Variants in CEP128 observed in about 807,000 individuals in gnomAD.
The protein encoded by CEP128 is centrosomal protein 128kDa.
In CEP128, 132 loss-of-function variants were observed where a neutral mutation model predicts 156.7. The ratio of observed to expected loss-of-function variants is 0.84; its 90% CI spans 0.73 to 0.97. The LOEUF (loss-of-function observed/expected upper bound fraction) is 0.97. Ranked by LOEUF, CEP128 falls within the 50% of genes least tolerant of loss-of-function variation. The probability of loss-of-function intolerance (pLI) is 0.00; values close to 1 mark genes in which losing one functional copy is unlikely to be tolerated. For synonymous variants in CEP128, 469 were observed against 448.9 expected, an observed-to-expected ratio of 1.04 and a Z score of -0.57; for missense variants, 1,252 against 1,281.9, an observed-to-expected ratio of 0.98 and a Z score of 0.36.
chr14:80,603,131 T>C (rs1333578748), intron 19 of CEP128, among the ~76,000 whole-genome samples: 3 of 152,130 alleles, frequency 2.0e-5, no homozygotes, highest in African/African-American at 7.2e-5. Flanking sequence ...GGCTCTGGAG[T>C]GTGGCCTCAG....
intron 19 of CEP128, among the ~76,000 whole-genome samples, chr14:80,629,028 C>T (rs1893850910): frequency 6.9e-6 from 1 of 144,740 alleles, no homozygotes; most frequent in African/African-American, 2.6e-5. Context: ...CCTTACTCTC[C>T]CTTTTTAAAC....
intron 19 of CEP128, among the ~76,000 whole-genome samples, chr14:80,634,891 T>C (rs1273273299): frequency 5.9e-5 from 9 of 152,216 alleles, no homozygotes; most frequent in Non-Finnish European, 1.2e-4. Context: ...ATAATTTTCA[T>C]CACATTTTCT....
chr14:80,835,325 A>G (rs1424655417), intron 12 of CEP128, among the ~76,000 whole-genome samples: 1 of 152,212 alleles, frequency 6.6e-6, no homozygotes, highest in Non-Finnish European at 1.5e-5. Context: ...AAAACAGACT[A>G]AGAAAATATA....
intron 19 of CEP128, among the ~76,000 whole-genome samples, chr14:80,612,859 G>GT (rs1233035424): frequency 6.6e-6 from 1 of 151,734 alleles, no homozygotes; most frequent in East Asian, 1.9e-4. Flanking sequence ...TTTTGTTTTT[G>GT]TTTTTTTCAT....
At chr14:80,651,841 G>A (rs1035130454) in intron 19 of CEP128, among the ~76,000 whole-genome samples, 5 of 152,140 alleles carry the variant, frequency 3.3e-5, no homozygotes, top group Admixed American at 2.6e-4. Context: ...TTCCAATTAT[G>A]TGGTCAGTTT....
Position 80,647,061 on chromosome 14 carries a change from A to ATGTGTGCATG in CEP128, c.2807-66639_2807-66638insCATGCACACA, listed in dbSNP as rs1566831601. Among the ~76,000 whole-genome samples the ATGTGTGCATG allele has an allele frequency of 9.7e-4, 59 of 60,788 alleles. 4 individuals carry two copies. Among genetic ancestry groups the ATGTGTGCATG allele is most frequent in the Admixed American group, 1.4e-3 (7 of 5,112 alleles). 39.9% of individuals were successfully genotyped at this position (60,788 alleles called of 152,430 possible). A position where few individuals can be genotyped will look rare whatever the true frequency, so the allele number is the denominator to read the frequency against. Reference sequence around the variant, plus strand: ...TGTATATATATATATATATATATATATATATATATATATATATATATATAT... The same window carrying ATGTGTGCATG: ...TGTATATATATATATATATATATATATGTGTGCATGTATATATATATATATATATATATAT... On this transcript the variant is annotated intron_variant, in intron 19 of 24. Coordinates refer to ENST00000555265, the MANE Select transcript of CEP128 (RefSeq NM_152446.5).
intron 19 of CEP128, among the ~76,000 whole-genome samples, chr14:80,619,865 C>T (rs1893403978): frequency 6.6e-6 from 1 of 152,122 alleles, no homozygotes; most frequent in Non-Finnish European, 1.5e-5. Context: ...TGGCTCACGC[C>T]TGTAATCCCA....
intron 19 of CEP128, among the ~76,000 whole-genome samples, chr14:80,739,816 C>T (rs1898716125): frequency 2.0e-5 from 3 of 152,036 alleles, no homozygotes; most frequent in Admixed American, 6.6e-5. Context: ...TTAAATATTG[C>T]TACCATAAAA....
intron 19 of CEP128, among the ~76,000 whole-genome samples, chr14:80,585,006 A>C (rs1891757333): frequency 6.6e-6 from 1 of 152,236 alleles, no homozygotes; most frequent in African/African-American, 2.4e-5. Context: ...GCTGTGGTGA[A>C]ATTTGCTTCC....
intron 19 of CEP128, among the ~76,000 whole-genome samples, chr14:80,734,580 T>G (rs1029053344): frequency 6.6e-6 from 1 of 152,054 alleles, no homozygotes; most frequent in Admixed American, 6.6e-5. Flanking sequence ...CTGGGCACGG[T>G]GGCTCACACC....
Position 80,731,838 on chromosome 14 carries a change from T to C in CEP128, c.2806+11237A>G, listed in dbSNP as rs184724163. 3.3e-4 allele frequency among the ~76,000 whole-genome samples: 50 copies of C among 152,294 alleles called. No homozygotes were observed. In the East Asian group the frequency reaches 6.9e-3, roughly 21 times the overall value. On this transcript the variant is annotated intron_variant, in intron 19 of 24. Coordinates refer to ENST00000555265, the MANE Select transcript of CEP128 (RefSeq NM_152446.5). ...GCTAAGCTAATAAACATTATCAGAC[T>C]AGTTTGGTGATAATTTGGAGTTATT...
intron 2 of CEP128, among the ~76,000 whole-genome samples, chr14:80,936,925 T>G (rs1885838054): frequency 6.6e-6 from 1 of 151,988 alleles, no homozygotes; most frequent in Non-Finnish European, 1.5e-5. Flanking sequence ...AAAAACTACA[T>G]TAGCATGTAT....
intron 8 of CEP128, among the ~76,000 whole-genome samples, chr14:80,885,630 G>T (rs996479082): frequency 6.6e-6 from 1 of 152,090 alleles, no homozygotes; most frequent in Admixed American, 6.6e-5. Flanking sequence ...AAGGCCATCA[G>T]CATCAAAGAT....
rs1293752384 is a variant in CEP128 at position 80,609,953 on chromosome 14, CAA to C, written c.2807-29532_2807-29531del. Among the ~76,000 whole-genome samples, 77 of 152,076 alleles carry C rather than the reference CAA, an allele frequency of 5.1e-4. 1 individual carries two copies. Among genetic ancestry groups the C allele is most frequent in the Admixed American group, 5.0e-3 (77 of 15,268 alleles). On this transcript the variant is annotated intron_variant, in intron 19 of 24. Transcript: ENST00000555265. ...TGACTGCCCATCTCTCAGGTACCCT[CAA>C]GAGTCAACTTCTATTACCACTGTCT... is the stretch of plus-strand genomic sequence containing the variant.
At chr14:80,837,476 T>C (rs1886138262) in intron 11 of CEP128, among the ~76,000 whole-genome samples, 1 of 152,094 alleles carries the variant, frequency 6.6e-6, no homozygotes, top group Non-Finnish European at 1.5e-5. Flanking sequence ...CCCAGCACTT[T>C]GGGAGGCCGA....
intron 13 of CEP128, among the ~76,000 whole-genome samples, chr14:80,807,046 C>A (rs955934733): frequency 5.9e-5 from 9 of 151,890 alleles, no homozygotes; most frequent in African/African-American, 2.2e-4. Context: ...CCTTGTTTTT[C>A]AAAAATAAAT....
chr14:80,531,042 TA>T (rs549680877), intron 21 of CEP128, 156 bp from the exon 22 acceptor site: 30 of 376,958 alleles, frequency 8.0e-5, no homozygotes, highest in Admixed American at 4.5e-4. Context: ...ATTTTCAAGA[TA>T]AATGTATCTT....
At chr14:80,807,702 C>T (rs1027867470) in intron 13 of CEP128, among the ~76,000 whole-genome samples, 4 of 152,170 alleles carry the variant, frequency 2.6e-5, no homozygotes, top group Non-Finnish European at 5.9e-5. Context: ...CTGAACATCC[C>T]GTAAGGGCCC....
At chr14:80,660,172 ATC>A (rs1895339653) in intron 19 of CEP128, among the ~76,000 whole-genome samples, 1 of 152,158 alleles carries the variant, frequency 6.6e-6, no homozygotes, top group African/African-American at 2.4e-5. Context: ...TATACTCTAA[ATC>A]TCTCAAAGAC....
Sources: gnomAD v4.1 joint callset for allele counts (sites outside exome capture counted in the v4.1 genomes callset) on GRCh38, gnomAD v4.1.1 for gene constraint, MANE v1.5 for transcripts, NCBI Gene and HGNC (gene_info 2026-07-23, HGNC 2026-07-21) for gene names.